The following GALNT14 variants were observed in gnomAD, a reference collection of about 807,000 sequenced individuals.
The protein encoded by GALNT14 is UDP-GalNAc:polypeptide N-acetylgalactosaminyltransferase 14.
Under a neutral mutation model 77.5 loss-of-function variants are expected in GALNT14, and 60 were observed. That is an observed-to-expected ratio of 0.77 (90% CI 0.63 to 0.96). GALNT14 has a LOEUF of 0.96. Among genes scored for constraint, GALNT14 ranks in the 40% least tolerant of loss-of-function variants. The probability of loss-of-function intolerance (pLI) is 0.00; values close to 1 mark genes in which losing one functional copy is unlikely to be tolerated. For missense variants in GALNT14, 710 were observed against 731.0 expected, an observed-to-expected ratio of 0.97 and a Z score of 0.33; for synonymous variants, 280 against 281.7, an observed-to-expected ratio of 0.99 and a Z score of 0.06.
chr2:30,947,496 G>A (rs1666772573), intron 6 of GALNT14, among the ~76,000 whole-genome samples: 1 of 152,160 alleles, frequency 6.6e-6, no homozygotes, highest in African/African-American at 2.4e-5. Flanking sequence ...TCATTTCTGG[G>A]TGAGTAGCCC....
chr2:31,008,624 G>A (rs892651392), intron 1 of GALNT14, among the ~76,000 whole-genome samples: 10 of 151,918 alleles, frequency 6.6e-5, no homozygotes, highest in Non-Finnish European at 1.5e-4. Context: ...CCTTCTTCTC[G>A]CCTGCCTCCA....
rs531090258 is a variant in GALNT14 at position 30,989,246 on chromosome 2, C to T, written c.299+3592G>A. Among the ~76,000 whole-genome samples, 9 of 152,184 alleles carry T rather than the reference C, an allele frequency of 5.9e-5. No individual in the cohort carries two copies. In the South Asian group the frequency reaches 1.9e-3, roughly 32 times the overall value. ...CGATGCTAAGGACCAGCACCCCACA[C>T]TCATGGGGATTTGACACCACTCACT... On this transcript the variant is annotated intron_variant, in intron 2 of 14. Transcript: ENST00000349752.
intron 1 of GALNT14, among the ~76,000 whole-genome samples, chr2:31,095,426 C>A (rs1676952962): frequency 6.6e-6 from 1 of 152,040 alleles, no homozygotes. Flanking sequence ...GAAATCATCC[C>A]CCAAAGGGTC....
At chr2:30,981,742 A>G (rs187656796) in intron 2 of GALNT14, among the ~76,000 whole-genome samples, 1 of 147,648 alleles carries the variant, frequency 6.8e-6, no homozygotes, top group Non-Finnish European at 1.6e-5. Context: ...CAGTTTCCGC[A>G]TGCTTTTACC....
chr2:31,082,512 GC>G (rs1435020274), intron 1 of GALNT14, among the ~76,000 whole-genome samples: 1 of 152,226 alleles, frequency 6.6e-6, no homozygotes, highest in Non-Finnish European at 1.5e-5. Flanking sequence ...GGACTAGGAG[GC>G]TGACCTGAAG....
chr2:30,907,648 C>A (rs911323621), downstream of GALNT14, among the ~76,000 whole-genome samples: 1 of 151,640 alleles, frequency 6.6e-6, no homozygotes, highest in African/African-American at 2.4e-5. Context: ...GGAACTGGTA[C>A]CATTCCTTCT....
intron 1 of GALNT14, 113 bp from the exon 2 acceptor site, chr2:30,993,120 T>A: frequency 8.9e-7 from 1 of 1,121,676 alleles, no homozygotes; most frequent in Non-Finnish European, 1.3e-6. Context: ...AAGGTTTGGC[T>A]CAAAGATGGG....
intron 9 of GALNT14, 128 bp downstream of exon 9, chr2:30,942,073 A>T: frequency 1.6e-6 from 1 of 638,072 alleles, no homozygotes; most frequent in South Asian, 2.0e-5. Context: ...ACCATCTCCC[A>T]GGACCTCATC....
chr2:31,077,148 G>T (rs1436229895), intron 1 of GALNT14, among the ~76,000 whole-genome samples: 2 of 152,132 alleles, frequency 1.3e-5, no homozygotes, highest in Admixed American at 6.5e-5. Flanking sequence ...CTAAGCAGTG[G>T]GCATTTTTAG....
chr2:30,981,042 G>A (rs1198309362), intron 2 of GALNT14, among the ~76,000 whole-genome samples: 1 of 152,214 alleles, frequency 6.6e-6, no homozygotes, highest in Non-Finnish European at 1.5e-5. Flanking sequence ...TCCAGCCTGG[G>A]CTAAAGAAAT....
At chr2:30,915,018 TG>T (rs1558398857) in intron 13 of GALNT14, among the ~76,000 whole-genome samples, 1 of 152,228 alleles carries the variant, frequency 6.6e-6, no homozygotes, top group Non-Finnish European at 1.5e-5. Context: ...CTATAGAGTC[TG>T]TAGGGAACCA....
chr2:30,939,756 G>A (rs1666266403), intron 9 of GALNT14, among the ~76,000 whole-genome samples: 1 of 152,030 alleles, frequency 6.6e-6, no homozygotes, highest in African/African-American at 2.4e-5. Context: ...TTGGTGGGTA[G>A]GAGGCCCTTC....
At chr2:31,038,084 A>ATTTT (rs1196402402) in intron 1 of GALNT14, among the ~76,000 whole-genome samples, 52 of 52,640 alleles carry the variant, frequency 9.9e-4, no homozygotes, top group South Asian at 1.3e-3. Context: ...ATATATATAT[A>ATTTT]TTTTTTTTTT....
chr2:31,051,138 A>T (rs1466219391), intron 1 of GALNT14, among the ~76,000 whole-genome samples: 1 of 152,054 alleles, frequency 6.6e-6, no homozygotes, highest in Non-Finnish European at 1.5e-5. Flanking sequence ...ATGTGGTTAC[A>T]CCCTTCCTTG....
intron 2 of GALNT14, among the ~76,000 whole-genome samples, chr2:30,988,953 G>T (rs2148395772): frequency 6.6e-6 from 1 of 152,294 alleles, no homozygotes; most frequent in East Asian, 1.9e-4. Flanking sequence ...TGGACTAGCG[G>T]CGTTGGTATG....
At position 30,944,947 on chromosome 2, in the gene GALNT14, AAC is replaced by A; in HGVS notation, c.743-7_743-6del. On this transcript the variant is annotated splice_polypyrimidine_tract_variant and splice_region_variant and intron_variant, in intron 7 of 14. Coordinates refer to ENST00000349752, the MANE Select transcript of GALNT14 (RefSeq NM_024572.4). ...AGTGGAGGCTCCAGTCAAACCCTAC[AAC>A]ACAGCACCAACCCACCTGCTTTGGT... 1 of 1,600,190 alleles carries A rather than the reference AAC, an allele frequency of 6.2e-7. No individual in the cohort carries two copies. Among genetic ancestry groups the A allele is most frequent in the South Asian group, 1.1e-5 (1 of 89,750 alleles).
chr2:30,942,235 A>AT lies in GALNT14; in HGVS notation c.896dup (p.Asp299GlufsTer13). 6.2e-7 allele frequency: 1 copy of AT among 1,614,064 alleles called. No individual in the cohort carries two copies. The highest frequency in any genetic ancestry group is 8.5e-7 in the Non-Finnish European group (1 of 1,179,964). On this transcript the variant is annotated frameshift_variant, in exon 9 of 15. Coordinates refer to ENST00000349752, the MANE Select transcript of GALNT14 (RefSeq NM_024572.4). LOFTEE classifies it high-confidence loss of function. ...CCCCACCCCAGATGTCCATGTCCATATCATATTTCCCCAGGTAATCAAACC... is the reference window on the plus strand; with the variant it reads ...CCCCACCCCAGATGTCCATGTCCATATTCATATTTCCCCAGGTAATCAAACC...
intron 1 of GALNT14, among the ~76,000 whole-genome samples, chr2:31,116,066 A>G (rs1054106296): frequency 1.3e-5 from 2 of 152,112 alleles, no homozygotes; most frequent in African/African-American, 2.4e-5. Flanking sequence ...TGAGTAAAAC[A>G]TCCTGGCAGA....
chr2:31,042,393 G>C (rs1673155675), intron 1 of GALNT14, among the ~76,000 whole-genome samples: 1 of 152,126 alleles, frequency 6.6e-6, no homozygotes, highest in African/African-American at 2.4e-5. Flanking sequence ...AAGAAATGAT[G>C]AATCATAAAG....
Sources: gnomAD v4.1 joint callset for allele counts (sites outside exome capture counted in the v4.1 genomes callset) on GRCh38, gnomAD v4.1.1 for gene constraint, MANE v1.5 for transcripts, NCBI Gene and HGNC (gene_info 2026-07-23, HGNC 2026-07-21) for gene names.